The following FADS2 variants were observed in gnomAD, a reference collection of about 807,000 sequenced individuals.
FADS2 encodes the protein fatty acid desaturase 2.
A neutral mutation model predicts 61.2 loss-of-function variants in FADS2; 18 were observed. That is an observed-to-expected ratio of 0.29 (90% confidence interval 0.20 to 0.44). The LOEUF (loss-of-function observed/expected upper bound fraction) is 0.44. FADS2 is among the 20% of genes least tolerant of loss of function. The pLI, the probability that FADS2 is intolerant of heterozygous loss-of-function variation, is 1.00. For synonymous variants in FADS2, 203 were observed against 223.9 expected (o/e 0.91, Z 0.83); for missense variants, 322 against 572.7 (o/e 0.56, Z 4.47).
chr11:61,845,767 A>C (rs1419545120), intron 4 of FADS2, among the ~76,000 whole-genome samples: 3 of 149,238 alleles, frequency 2.0e-5, no homozygotes, highest in Non-Finnish European at 4.4e-5. Context: ...CTGGGCGACA[A>C]GAGCAAAACT....
intron 5 of FADS2, chr11:61,856,726 G>A (rs2067362578): frequency 4.4e-6 from 2 of 452,892 alleles, no homozygotes; most frequent in African/African-American, 1.9e-5. Flanking sequence ...ATGGCTTAAC[G>A]CTGAGCCTCA....
At chr11:61,851,763 C>T (rs1013763561) in intron 5 of FADS2, among the ~76,000 whole-genome samples, 1 of 152,226 alleles carries the variant, frequency 6.6e-6, no homozygotes, top group Non-Finnish European at 1.5e-5. Flanking sequence ...CCCTGCCAAG[C>T]GGCTCCCAGC....
At position 61,865,604 on chromosome 11, in the gene FADS2, G is replaced by T. The variant is rs2067461377; in HGVS notation, c.1284-34G>T. The T allele has an allele frequency of 6.2e-7, 1 of 1,606,216 alleles. No individual in the cohort carries two copies. Among genetic ancestry groups the T allele is most frequent in the African/African-American group, 1.3e-5 (1 of 74,748 alleles). Reference sequence around the variant, plus strand: ...CACTCCCTGGGGCCACTCCCGTCCTGGTCCCTGACCCTGGTCCATCCCCAA... The same window carrying T: ...CACTCCCTGGGGCCACTCCCGTCCTTGTCCCTGACCCTGGTCCATCCCCAA... On this transcript the variant is annotated intron_variant, in intron 11 of 11. Transcript: ENST00000278840. The surrounding 1 kb of genome is among the most constrained non-coding windows in gnomAD (Gnocchi z 4.1).
intron 5 of FADS2, among the ~76,000 whole-genome samples, chr11:61,849,482 G>A (rs2067288087): frequency 6.6e-6 from 1 of 152,090 alleles, no homozygotes; most frequent in Admixed American, 6.6e-5. Context: ...TATTGGGGAG[G>A]CTGAGGTGGG....
upstream of FADS2, chr11:61,826,062 C>A (rs574021812): frequency 1.4e-6 from 1 of 702,558 alleles, no homozygotes; most frequent in East Asian, 2.7e-5. Context: ...CCAGCCCCAG[C>A]CTCTGGAGTT....
intron 10 of FADS2, chr11:61,864,059 G>A (rs1029511954): frequency 3.1e-5 from 14 of 454,964 alleles, no homozygotes; most frequent in Non-Finnish European, 5.2e-5. Flanking sequence ...GGACTTTGTA[G>A]TTATGGAGCC....
intron 1 of FADS2, chr11:61,821,257 T>A (rs973631714): frequency 1.7e-6 from 1 of 595,870 alleles, no homozygotes; most frequent in African/African-American, 1.9e-5. Context: ...CAGTGACTCG[T>A]GCCTATAATC....
upstream of FADS2, chr11:61,826,108 T>A: frequency 1.4e-6 from 1 of 702,638 alleles, no homozygotes; most frequent in Non-Finnish European, 2.6e-6. Flanking sequence ...ACAGTACACC[T>A]GCTTTACGGA....
chr11:61,816,215 C>T, upstream of FADS2: 2 of 1,574,234 alleles, frequency 1.3e-6, no homozygotes, highest in East Asian at 2.2e-5. The surrounding 1 kb of genome is among the most constrained non-coding windows in gnomAD (Gnocchi z 7.0). Flanking sequence ...CCTTGCTCTC[C>T]TCCCTCCTAG....
At chr11:61,824,275 G>A (rs984008738), upstream of FADS2, among the ~76,000 whole-genome samples, 7 of 151,350 alleles carry the variant, frequency 4.6e-5, no homozygotes, top group Admixed American at 2.0e-4. Context: ...CCAGCTACTC[G>A]GGAGGCTGAG....
chr11:61,852,504 G>T (rs1257170627), intron 5 of FADS2, among the ~76,000 whole-genome samples: 2 of 151,968 alleles, frequency 1.3e-5, no homozygotes, highest in African/African-American at 4.8e-5. Flanking sequence ...CAAGTGATCC[G>T]CCTACCTCAG....
At chr11:61,851,860 G>A (rs1021925072) in intron 5 of FADS2, among the ~76,000 whole-genome samples, 8 of 152,222 alleles carry the variant, frequency 5.3e-5, no homozygotes, top group African/African-American at 2.4e-5. Flanking sequence ...TGTCCAGGAG[G>A]ATTCTTTTTG....
chr11:61,838,170 G>A (rs1166132111), intron 2 of FADS2, among the ~76,000 whole-genome samples: 1 of 152,152 alleles, frequency 6.6e-6, no homozygotes, highest in Non-Finnish European at 1.5e-5. Flanking sequence ...CAATCTAGGG[G>A]AAAGACAGGA....
intron 7 of FADS2, among the ~76,000 whole-genome samples, chr11:61,859,217 C>T (rs1312596090): frequency 6.6e-6 from 1 of 152,016 alleles, no homozygotes; most frequent in Non-Finnish European, 1.5e-5. Flanking sequence ...GCCACCATGC[C>T]CAGCTAATTT....
At chr11:61,838,718 C>T (rs1335842056) in intron 2 of FADS2, among the ~76,000 whole-genome samples, 2 of 152,136 alleles carry the variant, frequency 1.3e-5, no homozygotes, top group South Asian at 2.1e-4. Flanking sequence ...GGCCAATGCC[C>T]CTCCTCTCAC....
intron 2 of FADS2, 23 bp downstream of exon 2, chr11:61,837,911 GTGGGGGTGGAGACGAGGC>G: frequency 1.3e-6 from 2 of 1,565,002 alleles, no homozygotes; most frequent in Non-Finnish European, 1.8e-6. Flanking sequence ...TGCAACCTGG[GTGGGGGTGGAGACGAGGC>G]TGGGGGTGGC....
At chr11:61,839,731 A>C (rs2067203301) in intron 2 of FADS2, among the ~76,000 whole-genome samples, 1 of 152,194 alleles carries the variant, frequency 6.6e-6, no homozygotes, top group Non-Finnish European at 1.5e-5. Flanking sequence ...CCCCAAATTG[A>C]AATTCCACAT....
intron 2 of FADS2, among the ~76,000 whole-genome samples, chr11:61,838,467 G>C (rs1332605088): frequency 6.6e-6 from 1 of 152,064 alleles, no homozygotes; most frequent in Non-Finnish European, 1.5e-5. Flanking sequence ...ACGGGGAGGA[G>C]AGTTGTTACA....
chr11:61,861,649 C>G (rs139291227), intron 7 of FADS2, among the ~76,000 whole-genome samples: 1 of 152,238 alleles, frequency 6.6e-6, no homozygotes, highest in African/African-American at 2.4e-5. Context: ...CTTATTGGAA[C>G]GTGAGGTCCT....
Sources: gnomAD v4.1 joint callset for allele counts (sites outside exome capture counted in the v4.1 genomes callset) on GRCh38, gnomAD v4.1.1 for gene constraint, Gnocchi (gnomAD v3.1) non-coding constraint, MANE v1.5 for transcripts, NCBI Gene and HGNC (gene_info 2026-07-23, HGNC 2026-07-21) for gene names.